Variants in MYCBP2 observed in about 807,000 individuals in gnomAD.
MYCBP2 encodes the protein E3 ubiquitin-protein ligase MYCBP2.
In MYCBP2, 120 loss-of-function variants were observed where a neutral mutation model predicts 525.3. That is an observed-to-expected ratio of 0.23 (90% CI 0.20 to 0.27). The LOEUF (loss-of-function observed/expected upper bound fraction) is 0.27, where lower values mean the gene tolerates loss of function less well. Among genes scored for constraint, MYCBP2 ranks in the 10% least tolerant of loss-of-function variants. The pLI is 1.00. For missense variants in MYCBP2, 4,149 were observed against 5,657.1 expected, an observed-to-expected ratio of 0.73 and a Z score of 8.55; for synonymous variants, 1,894 against 1,955.8, an observed-to-expected ratio of 0.97 and a Z score of 0.83.
intron 50 of MYCBP2, 47 bp from the exon 51 acceptor site, chr13:77,140,210 G>A: frequency 8.2e-7 from 1 of 1,219,336 alleles, no homozygotes; most frequent in Non-Finnish European, 1.2e-6. Context: ...ACATAGAATA[G>A]AGATCTTACA....
intron 18 of MYCBP2, among the ~76,000 whole-genome samples, chr13:77,226,430 T>C (rs1286201591): frequency 6.6e-6 from 1 of 152,228 alleles, no homozygotes; most frequent in Non-Finnish European, 1.5e-5. Context: ...TGTACTTCTA[T>C]ACATCACTAA....
rs1017973364 is a variant in MYCBP2 at position 77,217,792 on chromosome 13, A to G, written c.3057+48T>C. 3 of 1,163,232 alleles carry G rather than the reference A, an allele frequency of 2.6e-6. No individual in the cohort carries two copies. In the African/African-American group the frequency reaches 4.7e-5, roughly 18 times the overall value. 72.1% of individuals were successfully genotyped at this position (1,163,232 alleles called of 1,614,324 possible). A position where few individuals can be genotyped will look rare whatever the true frequency, so the allele number is the denominator to read the frequency against. ...AAAAGAGCTAATATAGACAAATTAT[A>G]AGGCAATGGTATAATGCAATATTAT... On this transcript the variant is annotated intron_variant, in intron 21 of 82. Coordinates refer to ENST00000544440, the MANE Select transcript of MYCBP2 (RefSeq NM_015057.5).
chr13:77,324,390 T>C (rs1005225970), intron 1 of MYCBP2, among the ~76,000 whole-genome samples: 1 of 152,228 alleles, frequency 6.6e-6, no homozygotes, highest in Admixed American at 6.5e-5. Flanking sequence ...CTTTAACTTG[T>C]GTCCCTATAC....
At position 77,211,273 on chromosome 13, in the gene MYCBP2, G is replaced by A. The variant is rs747617599; in HGVS notation, c.3310C>T (p.Leu1104=). Residue 1104 remains leucine (L), a synonymous_variant, in exon 23 of 83, where the codon CTG becomes TTG. Coordinates refer to ENST00000544440, the MANE Select transcript of MYCBP2 (RefSeq NM_015057.5). ...CAACTCCCATCCACTTTATTTATCA[G>A]AAGGCATTTAAATGGAGGAGGTTCT... The part of the protein sequence containing the change: ...ISEPPPFKCL[L]INKVDGSCKT... 12 of 1,526,838 alleles carry A rather than the reference G, an allele frequency of 7.9e-6. No homozygotes were observed. In the East Asian group the frequency reaches 3.0e-4, roughly 38 times the overall value. The allele number at this position is 1,526,838 out of a possible 1,614,324, so 94.6% of individuals were successfully genotyped here. A position where few individuals can be genotyped will look rare whatever the true frequency, so the allele number is the denominator to read the frequency against.
Position 77,188,952 on chromosome 13 carries a change from A to C in MYCBP2, c.4250T>G (p.Val1417Gly), listed in dbSNP as rs2061025772. The C allele has an allele frequency of 1.9e-6, 3 of 1,594,484 alleles. No homozygotes were observed. Among genetic ancestry groups the C allele is most frequent in the Non-Finnish European group, 2.6e-6 (3 of 1,172,742 alleles). The change falls in exon 30 of 83, where the codon GTG becomes GGG. Residue 1417 changes from valine (V) to glycine (G), a missense_variant and splice_region_variant. Transcript: ENST00000544440. ...GAAATTTTTTAAAACATGGCTTACCACTGAGACAGTTCTTGCAAAAGACCT... is the reference window on the plus strand; with the variant it reads ...GAAATTTTTTAAAACATGGCTTACCCCTGAGACAGTTCTTGCAAAAGACCT... ...LKRSFARTVS[V>G]ECFESLLSIL...
chr13:77,063,189 C>T (rs2039608767), intron 73 of MYCBP2, among the ~76,000 whole-genome samples: 1 of 152,082 alleles, frequency 6.6e-6, no homozygotes, highest in Non-Finnish European at 1.5e-5. Context: ...CCCCTTGTTG[C>T]CCCAGAAAGC....
Position 77,246,560 on chromosome 13 carries a change from GAGGAGA to G in MYCBP2, c.2382-2615_2382-2610del, listed in dbSNP as rs540054109. ...GGAGAAGGAGGAGGAGGAGGAGCAG[GAGGAGA>G]AGGAGAAGGAGGAAAAGAAGGAGAA... On this transcript the variant is annotated intron_variant, in intron 15 of 82. Coordinates refer to ENST00000544440, the MANE Select transcript of MYCBP2 (RefSeq NM_015057.5). Among the ~76,000 whole-genome samples, 30 of 150,418 alleles carry G rather than the reference GAGGAGA, an allele frequency of 2.0e-4. 1 individual carries two copies. The East Asian group carries it at 5.5e-3, about 27-fold the overall frequency.
intron 16 of MYCBP2, 126 bp downstream of exon 16, chr13:77,243,680 G>T: frequency 1.4e-6 from 1 of 718,826 alleles, no homozygotes; most frequent in Non-Finnish European, 2.1e-6. Context: ...TACCGTAAAA[G>T]CAGTATTGCA....
intron 55 of MYCBP2, among the ~76,000 whole-genome samples, chr13:77,110,443 TCAAGA>T (rs769480228): frequency 6.6e-6 from 1 of 152,186 alleles, no homozygotes; most frequent in Non-Finnish European, 1.5e-5. Flanking sequence ...AAGATGTTTA[TCAAGA>T]CAATACGTGC....
intron 55 of MYCBP2, chr13:77,109,644 G>C (rs548924102): frequency 6.6e-6 from 1 of 152,288 alleles, no homozygotes; most frequent in African/African-American, 2.4e-5. Flanking sequence ...CTCACTTCTT[G>C]CAGTCTATGT....
At chr13:77,295,418 C>A (rs548750619) in intron 2 of MYCBP2, among the ~76,000 whole-genome samples, 2 of 152,340 alleles carry the variant, frequency 1.3e-5, no homozygotes, top group African/African-American at 4.8e-5. Context: ...AGGCGTGAGC[C>A]ACTGCACCCA....
intron 73 of MYCBP2, among the ~76,000 whole-genome samples, chr13:77,063,626 G>A (rs542847362): frequency 6.6e-6 from 1 of 151,328 alleles, no homozygotes; most frequent in African/African-American, 2.4e-5. Context: ...AGGCTTAAAG[G>A]GTAAGCTTCA....
intron 26 of MYCBP2, among the ~76,000 whole-genome samples, chr13:77,200,931 C>A (rs1325859275): frequency 6.6e-5 from 10 of 152,038 alleles, no homozygotes; most frequent in African/African-American, 2.2e-4. Context: ...CCAGCCACTG[C>A]AAAATCATGC....
intron 26 of MYCBP2, among the ~76,000 whole-genome samples, chr13:77,200,176 C>T (rs1445282828): frequency 1.3e-5 from 2 of 151,794 alleles, no homozygotes; most frequent in Non-Finnish European, 2.9e-5. Context: ...ACTAGAATAA[C>T]CAATACAGAG....
chr13:77,164,806 TG>T (rs2058346920), intron 42 of MYCBP2, among the ~76,000 whole-genome samples: 1 of 152,178 alleles, frequency 6.6e-6, no homozygotes, highest in African/African-American at 2.4e-5. Flanking sequence ...TCTTATTGTA[TG>T]ATTTAAAACA....
At chr13:77,212,876 T>A (rs561158372) in intron 21 of MYCBP2, among the ~76,000 whole-genome samples, 1 of 152,280 alleles carries the variant, frequency 6.6e-6, no homozygotes, top group East Asian at 1.9e-4. Flanking sequence ...ATGCTGACAT[T>A]GACTCAATAG....
At chr13:77,078,730 G>A in intron 66 of MYCBP2, 94 bp downstream of exon 66, 2 of 938,284 alleles carry the variant, frequency 2.1e-6, no homozygotes, top group South Asian at 2.7e-5. Flanking sequence ...ATAATACTTT[G>A]GTTGTGTGCC....
chr13:77,324,792 GT>G (rs1318523179), intron 1 of MYCBP2, among the ~76,000 whole-genome samples: 1 of 152,170 alleles, frequency 6.6e-6, no homozygotes, highest in Non-Finnish European at 1.5e-5. Context: ...GTAGTAGGAA[GT>G]CAAAACAGGA....
Position 77,067,534 on chromosome 13 carries a change from A to C in MYCBP2, c.12455+47T>G. ...ATTATGTCTTAAATTTCTGAACAGT[A>C]GCTCACTCTATTCTGTTTTGGTACT... On this transcript the variant is annotated intron_variant, in intron 71 of 82. Transcript: ENST00000544440. 1.9e-6 allele frequency: 3 copies of C among 1,574,318 alleles called. No individual in the cohort carries two copies. The South Asian group carries it at 3.4e-5, about 18-fold the overall frequency.
Sources: gnomAD v4.1 joint callset for allele counts (sites outside exome capture counted in the v4.1 genomes callset) on GRCh38, gnomAD v4.1.1 for gene constraint, MANE v1.5 for transcripts, NCBI Gene and HGNC (gene_info 2026-07-23, HGNC 2026-07-21) for gene names.